The following LRRC37A variants were observed in gnomAD, a reference collection of about 807,000 sequenced individuals.
LRRC37A encodes leucine-rich repeat-containing protein 37A.
In LRRC37A, 3 loss-of-function variants were observed where a neutral mutation model predicts 35.4. The ratio of observed to expected loss-of-function variants is 0.08; its 90% confidence interval spans 0.04 to 0.22. The LOEUF (loss-of-function observed/expected upper bound fraction) is 0.22. Ranked by LOEUF, LRRC37A falls within the 10% of genes least tolerant of loss-of-function variation. The pLI, the probability that LRRC37A is intolerant of heterozygous loss-of-function variation, is 1.00. For missense variants in LRRC37A, 67 were observed against 565.3 expected, an observed-to-expected ratio of 0.12 and a Z score of 8.94; for synonymous variants, 23 against 215.0, an observed-to-expected ratio of 0.11 and a Z score of 7.81.
chr17:46,262,861 T>C, the LRRC37A span, among the ~76,000 whole-genome samples: 1 of 151,522 alleles, frequency 6.6e-6, no homozygotes, highest in Non-Finnish European at 1.5e-5. Flanking sequence ...AAAAGCAGAA[T>C]TGATGGCACT....
chr17:46,279,707 G>A, the LRRC37A span, among the ~76,000 whole-genome samples: 4 of 151,766 alleles, frequency 2.6e-5, no homozygotes, highest in Admixed American at 2.6e-4. Flanking sequence ...TGTTGCCCGG[G>A]CTGGTCTAGA....
At chr17:46,254,609 T>G in the LRRC37A span, among the ~76,000 whole-genome samples, 18,728 of 149,668 alleles carry the variant, frequency 0.13, 44 homozygotes, top group Middle Eastern at 0.19. Flanking sequence ...TGGCGCGGTC[T>G]TGGCTCACTG....
intron 7 of LRRC37A, among the ~76,000 whole-genome samples, chr17:46,327,078 A>T (rs568252846): frequency 2.3e-5 from 2 of 86,592 alleles, no homozygotes; most frequent in South Asian, 4.7e-4. Flanking sequence ...CTTCCATGAC[A>T]TTGGCATTTT....
the LRRC37A span, among the ~76,000 whole-genome samples, chr17:46,280,458 G>A: frequency 2.6e-5 from 4 of 152,128 alleles, no homozygotes; most frequent in Non-Finnish European, 4.4e-5. Context: ...CGGGAGGATC[G>A]CTTGAGCTCA....
chr17:46,250,391 G>C, the LRRC37A span, among the ~76,000 whole-genome samples: 21 of 152,354 alleles, frequency 1.4e-4, no homozygotes, highest in East Asian at 9.6e-4. Context: ...TCTTGGGTGT[G>C]TCCGTGAGGG....
At chr17:46,262,115 A>G in the LRRC37A span, among the ~76,000 whole-genome samples, 1 of 152,134 alleles carries the variant, frequency 6.6e-6, no homozygotes, top group Non-Finnish European at 1.5e-5. Context: ...ATACCTGGTT[A>G]ATTTTTATAT....
rs1436012057 is a variant in LRRC37A at position 46,315,932 on chromosome 17, T to C, written c.2907-6390T>C. Among the ~76,000 whole-genome samples, 157 of 71,328 alleles carry C rather than the reference T, an allele frequency of 2.2e-3. 19 individuals are homozygous for C. Among genetic ancestry groups the C allele is most frequent in the African/African-American group, 5.6e-3 (147 of 26,382 alleles). The allele number at this position is 71,328 out of a possible 152,430, so 46.8% of individuals were successfully genotyped here. On this transcript the variant is annotated intron_variant, in intron 5 of 13. Coordinates refer to ENST00000320254, the Ensembl canonical transcript of LRRC37A. ...TAAGTATCTTTTTCTTTTTTTTTTT[T>C]CTTTATTTTGGGACAGAGTCTCACT... is the stretch of plus-strand genomic sequence containing the variant.
the LRRC37A span, chr17:46,260,625 T>C: frequency 4.2e-6 from 4 of 954,116 alleles, no homozygotes; most frequent in Non-Finnish European, 6.1e-6. Context: ...ATTCTCTTTT[T>C]TTTTTTTTTT....
chr17:46,249,444 T>G, the LRRC37A span, among the ~76,000 whole-genome samples: 1 of 152,362 alleles, frequency 6.6e-6, no homozygotes, highest in South Asian at 2.1e-4. Flanking sequence ...GTCCTTGTCC[T>G]GCTTGACTTG....
the LRRC37A span, among the ~76,000 whole-genome samples, chr17:46,278,091 C>T: frequency 1.2e-4 from 19 of 152,088 alleles, no homozygotes; most frequent in Admixed American, 8.5e-4. Context: ...GACTTACAGG[C>T]GTGCACCACC....
the LRRC37A span, among the ~76,000 whole-genome samples, chr17:46,252,669 TCA>T: frequency 6.6e-6 from 1 of 150,726 alleles, no homozygotes; most frequent in Non-Finnish European, 1.5e-5. Context: ...AGCACATGTT[TCA>T]GAGAGCACAG....
the LRRC37A span, among the ~76,000 whole-genome samples, chr17:46,277,238 G>A: frequency 6.6e-6 from 1 of 152,148 alleles, no homozygotes; most frequent in Admixed American, 6.5e-5. Context: ...ATCCTAAGTG[G>A]CCCCTACACT....
At chr17:46,266,211 C>G in the LRRC37A span, among the ~76,000 whole-genome samples, 5 of 152,288 alleles carry the variant, frequency 3.3e-5, no homozygotes, top group African/African-American at 7.2e-5. Flanking sequence ...TGTTGTTGAC[C>G]TAATCTAGAA....
the LRRC37A span, among the ~76,000 whole-genome samples, chr17:46,287,443 C>T: frequency 6.6e-6 from 1 of 152,182 alleles, no homozygotes; most frequent in Non-Finnish European, 1.5e-5. Context: ...GCGCAAACAC[C>T]AAGTAGAAGT....
At chr17:46,251,502 C>A in the LRRC37A span, among the ~76,000 whole-genome samples, 1 of 151,852 alleles carries the variant, frequency 6.6e-6, no homozygotes, top group African/African-American at 2.4e-5. Flanking sequence ...AGGTGATCAG[C>A]CCACCTCAGC....
chr17:46,287,710 G>A, the LRRC37A span, among the ~76,000 whole-genome samples: 1 of 152,250 alleles, frequency 6.6e-6, no homozygotes, highest in African/African-American at 2.4e-5. Context: ...CGTGGAAGGA[G>A]CTGCTTCAGT....
At chr17:46,289,858 A>C (rs1253931429), upstream of LRRC37A, among the ~76,000 whole-genome samples, 5 of 152,186 alleles carry the variant, frequency 3.3e-5, no homozygotes, top group Non-Finnish European at 7.3e-5. Context: ...ACTGGCTCAC[A>C]CCTGTAATCC....
At chr17:46,292,046 G>C (rs181750307), upstream of LRRC37A, among the ~76,000 whole-genome samples, 1 of 139,582 alleles carries the variant, frequency 7.2e-6, no homozygotes, top group East Asian at 2.1e-4. Context: ...AGAGCAATTT[G>C]ACAGGCCAGG....
chr17:46,272,216 G>A, the LRRC37A span, among the ~76,000 whole-genome samples: 1 of 152,240 alleles, frequency 6.6e-6, no homozygotes. Context: ...ATCTACTGAT[G>A]CAAATTAAAT....
Sources: gnomAD v4.1 joint callset for allele counts (sites outside exome capture counted in the v4.1 genomes callset) on GRCh38, gnomAD v4.1.1 for gene constraint, MANE v1.5 for transcripts, NCBI Gene and HGNC (gene_info 2026-07-23, HGNC 2026-07-21) for gene names.